The following CTNNA3 variants were observed in gnomAD, a reference collection of about 807,000 sequenced individuals.
CTNNA3 encodes the protein catenin alpha-3.
In CTNNA3, 76 loss-of-function variants were observed where a neutral mutation model predicts 95.7. The observed-to-expected ratio is 0.79, with a 90% CI of 0.66 to 0.96. The LOEUF (loss-of-function observed/expected upper bound fraction) is 0.96, where lower values mean the gene tolerates loss of function less well. Among genes scored for constraint, CTNNA3 ranks in the 40% least tolerant of loss-of-function variants. The pLI, the probability that CTNNA3 is intolerant of heterozygous loss-of-function variation, is 0.00. For synonymous variants in CTNNA3, 431 were observed against 374.4 expected (o/e 1.15, Z -1.74); for missense variants, 1,191 against 1,089.8 (o/e 1.09, Z -1.31).
chr10:67,020,672 T>C (rs1665101089), intron 7 of CTNNA3, among the ~76,000 whole-genome samples: 1 of 152,178 alleles, frequency 6.6e-6, no homozygotes, highest in Admixed American at 6.5e-5. Flanking sequence ...AAAATTCAGA[T>C]TTGGACATCA....
chr10:65,947,200 C>T (rs964659228), intron 17 of CTNNA3, among the ~76,000 whole-genome samples: 68 of 151,704 alleles, frequency 4.5e-4, no homozygotes, highest in Non-Finnish European at 7.1e-4. Context: ...GCCTATGCCA[C>T]GTGTTGCTGC....
chr10:67,009,118 T>C (rs1352716594), intron 7 of CTNNA3, among the ~76,000 whole-genome samples: 1 of 152,168 alleles, frequency 6.6e-6, no homozygotes, highest in African/African-American at 2.4e-5. Flanking sequence ...CATGTATTCA[T>C]TATTTTTAAT....
At chr10:67,044,546 CTG>C (rs1018973845) in intron 7 of CTNNA3, among the ~76,000 whole-genome samples, 21 of 152,134 alleles carry the variant, frequency 1.4e-4, no homozygotes, top group Admixed American at 6.5e-5. Context: ...GAGCTAATCT[CTG>C]TGAGTGCTCA....
intron 10 of CTNNA3, among the ~76,000 whole-genome samples, chr10:66,599,630 CT>C (rs974456384): frequency 4.0e-5 from 6 of 150,972 alleles, no homozygotes; most frequent in African/African-American, 1.2e-4. Context: ...TCTTCTTCTA[CT>C]TTTTTTTTAA....
chr10:67,578,996 GATATATAT>G lies in CTNNA3; in HGVS notation c.292+27853_292+27860del, dbSNP rs533690910. On this transcript the variant is annotated intron_variant, in intron 3 of 17. Transcript: ENST00000433211. ...GATATAAAACCCACCTGATCATAGT[GATATATAT>G]ATATATATATATATATATATATATA... is the stretch of plus-strand genomic sequence containing the variant. 3.8e-3 allele frequency among the ~76,000 whole-genome samples: 332 copies of G among 87,368 alleles called. 7 individuals carry two copies. The highest frequency in any genetic ancestry group is 0.011 in the African/African-American group (269 of 24,572). The allele number at this position is 87,368 out of a possible 152,430, so 57.3% of individuals were successfully genotyped here.
intron 3 of CTNNA3, among the ~76,000 whole-genome samples, chr10:67,587,315 T>C (rs1029856256): frequency 6.6e-6 from 1 of 151,550 alleles, no homozygotes; most frequent in Non-Finnish European, 1.5e-5. Flanking sequence ...CTGCTTAGGC[T>C]TCCCAAAGTG....
At chr10:66,327,191 T>A (rs371476486) in intron 12 of CTNNA3, among the ~76,000 whole-genome samples, 1 of 152,186 alleles carries the variant, frequency 6.6e-6, no homozygotes, top group East Asian at 1.9e-4. Context: ...TAAATTTGAT[T>A]GCAAAGTAAC....
At chr10:67,559,589 T>C (rs1181583563) in intron 3 of CTNNA3, among the ~76,000 whole-genome samples, 2 of 152,068 alleles carry the variant, frequency 1.3e-5, no homozygotes, top group Admixed American at 1.3e-4. Context: ...GTGCCTCTCC[T>C]CCTCCAAAGG....
chr10:66,322,231 G>A (rs908351533), intron 12 of CTNNA3, among the ~76,000 whole-genome samples: 1 of 152,082 alleles, frequency 6.6e-6, no homozygotes, highest in African/African-American at 2.4e-5. Flanking sequence ...TAGCAGATCA[G>A]CCTGCCAGCC....
At chr10:67,513,203 A>G (rs986880191) in intron 5 of CTNNA3, among the ~76,000 whole-genome samples, 1 of 152,194 alleles carries the variant, frequency 6.6e-6, no homozygotes, top group Non-Finnish European at 1.5e-5. Context: ...AAGAAAGTCC[A>G]TACCCATTCT....
At chr10:65,935,161 G>C (rs1211329060) in intron 17 of CTNNA3, among the ~76,000 whole-genome samples, 1 of 152,108 alleles carries the variant, frequency 6.6e-6, no homozygotes, top group African/African-American at 2.4e-5. Context: ...TACAACAGTA[G>C]TCCGTTGTCC....
chr10:66,689,691 G>A (rs989907262), intron 9 of CTNNA3, among the ~76,000 whole-genome samples: 11 of 152,108 alleles, frequency 7.2e-5, no homozygotes, highest in Admixed American at 5.2e-4. Context: ...ACTCCTTAAT[G>A]AGGAGTCCAA....
chr10:67,443,581 G>A (rs1038661182), intron 5 of CTNNA3, among the ~76,000 whole-genome samples: 2 of 152,164 alleles, frequency 1.3e-5, no homozygotes, highest in African/African-American at 2.4e-5. Flanking sequence ...TCTTTTGATT[G>A]CATAAATGTC....
chr10:65,959,259 G>A (rs1230640230), intron 17 of CTNNA3, among the ~76,000 whole-genome samples: 4 of 152,166 alleles, frequency 2.6e-5, no homozygotes, highest in East Asian at 1.9e-4. Context: ...GTATTAGGGT[G>A]GGAGTGTCCC....
At chr10:67,290,947 G>C (rs10762159) in intron 5 of CTNNA3, among the ~76,000 whole-genome samples, 1 of 151,868 alleles carries the variant, frequency 6.6e-6, no homozygotes, top group African/African-American at 2.4e-5. Context: ...TTGATGTGTG[G>C]GTGATGTTGA....
intron 5 of CTNNA3, among the ~76,000 whole-genome samples, chr10:67,382,769 G>T (rs1488806527): frequency 6.6e-6 from 1 of 152,156 alleles, no homozygotes; most frequent in Non-Finnish European, 1.5e-5. Context: ...GGCCCAGGAA[G>T]CTTTTACTCA....
At position 66,659,002 on chromosome 10, in the gene CTNNA3, C is replaced by T. The variant is rs1589084007; in HGVS notation, c.1282-37218G>A. On this transcript the variant is annotated intron_variant, in intron 9 of 17. Coordinates refer to ENST00000433211, the MANE Select transcript of CTNNA3 (RefSeq NM_013266.4). The stretch of plus-strand genomic sequence containing the variant: ...CCATACCCAGCAGTTTTTTTCTTCT[C>T]AGTCATATTCATTCATTTATTCACT... 1.3e-5 allele frequency among the ~76,000 whole-genome samples: 2 copies of T among 152,144 alleles called. 1 individual carries two copies. Among genetic ancestry groups the T allele is most frequent in the Non-Finnish European group, 2.9e-5 (2 of 67,998 alleles).
intron 7 of CTNNA3, among the ~76,000 whole-genome samples, chr10:66,814,508 C>G (rs1842004235): frequency 6.6e-6 from 1 of 152,058 alleles, no homozygotes; most frequent in South Asian, 2.1e-4. Context: ...CACCTGTAAT[C>G]CCAGCACTTT....
intron 13 of CTNNA3, among the ~76,000 whole-genome samples, chr10:66,115,954 T>A (rs2082326758): frequency 6.6e-6 from 1 of 152,034 alleles, no homozygotes; most frequent in Non-Finnish European, 1.5e-5. Context: ...GGTTACTGGA[T>A]TGAAGTTTGC....
Sources: gnomAD v4.1 joint callset for allele counts (sites outside exome capture counted in the v4.1 genomes callset) on GRCh38, gnomAD v4.1.1 for gene constraint, MANE v1.5 for transcripts, NCBI Gene and HGNC (gene_info 2026-07-23, HGNC 2026-07-21) for gene names.